Variants in PCDHA13 observed in about 807,000 individuals in gnomAD.
PCDHA13 encodes protocadherin alpha-13.
Under a neutral mutation model 64.8 loss-of-function variants are expected in PCDHA13, and 54 were observed. The observed-to-expected ratio is 0.83, with a 90% CI of 0.67 to 1.04. The LOEUF (loss-of-function observed/expected upper bound fraction) is 1.04. Ranked by LOEUF, PCDHA13 falls within the 50% of genes least tolerant of loss-of-function variation. The probability of loss-of-function intolerance (pLI) is 0.00; values close to 1 mark genes in which losing one functional copy is unlikely to be tolerated. For missense variants in PCDHA13, 1,248 were observed against 1,254.3 expected (o/e 0.99, Z 0.08); for synonymous variants, 587 against 564.4 (o/e 1.04, Z -0.57).
rs976104418 is a variant in PCDHA13 at position 140,967,290 on chromosome 5, C to G, written c.2395-11659C>G. The G allele has an allele frequency of 3.1e-6, 5 of 1,612,712 alleles. No individual in the cohort carries two copies. In the African/African-American group the frequency reaches 5.3e-5, roughly 17 times the overall value. ...TTTCACATAGAGAGTGCGCAGGACC[C>G]CGACGTGGGCGCCAACTCAGTACAG... On this transcript the variant is annotated intron_variant, in intron 1 of 3. Coordinates refer to ENST00000289272, the MANE Select transcript of PCDHA13 (RefSeq NM_018904.3).
intron 3 of PCDHA13, among the ~76,000 whole-genome samples, chr5:140,991,755 C>T (rs2153897425): frequency 6.6e-6 from 1 of 152,268 alleles, no homozygotes; most frequent in South Asian, 2.1e-4. Context: ...TTCTATCATG[C>T]TCTTCAAAAT....
At chr5:140,972,660 A>T (rs868975656) in intron 1 of PCDHA13, among the ~76,000 whole-genome samples, 47 of 117,276 alleles carry the variant, frequency 4.0e-4, no homozygotes, top group Non-Finnish European at 6.8e-4. Flanking sequence ...AAGAAACCAA[A>T]TTTTTTTTTT....
At chr5:141,000,410 TATATATATATA>T (rs1554257433) in intron 3 of PCDHA13, among the ~76,000 whole-genome samples, 1 of 101,972 alleles carries the variant, frequency 9.8e-6, no homozygotes, top group Non-Finnish European at 2.0e-5. Context: ...TATATATATA[TATATATATATA>T]TTTTTTTTTT....
chr5:140,888,620 C>T lies in PCDHA13; in HGVS notation c.2394+3958C>T, dbSNP rs183005411. Among the ~76,000 whole-genome samples the T allele has an allele frequency of 3.4e-3, 514 of 152,264 alleles. 3 individuals are homozygous for T. The highest frequency in any genetic ancestry group is 0.014 in the Middle Eastern group (4 of 294). On this transcript the variant is annotated intron_variant, in intron 1 of 3. Coordinates refer to ENST00000289272, the MANE Select transcript of PCDHA13 (RefSeq NM_018904.3). ...AGCAGCTTTTAGTGTAGCACTAATT[C>T]GGCCTTCTATTACAGCAATACTTTC...
At position 140,926,615 on chromosome 5, in the gene PCDHA13, C is replaced by G. The variant is rs540135252; in HGVS notation, c.2394+41953C>G. On this transcript the variant is annotated intron_variant, in intron 1 of 3. Coordinates refer to ENST00000289272, the MANE Select transcript of PCDHA13 (RefSeq NM_018904.3). ...GGCGGGCGGCCTCGTCTCTGCACCC[C>G]TAGGCGGCGCTGCGCTCCTCAACAC... 1,855 of 379,286 alleles carry G rather than the reference C, an allele frequency of 4.9e-3. 8 individuals are homozygous for G. Among genetic ancestry groups the G allele is most frequent in the African/African-American group, 0.019 (896 of 47,466 alleles). The allele number at this position is 379,286 out of a possible 1,614,324, so 23.5% of individuals were successfully genotyped here. A position where few individuals can be genotyped will look rare whatever the true frequency, so the allele number is the denominator to read the frequency against.
chr5:140,982,722 T>G, intron 3 of PCDHA13, 159 bp downstream of exon 3: 1 of 913,304 alleles, frequency 1.1e-6, no homozygotes, highest in African/African-American at 1.8e-5. Flanking sequence ...TATGATTATT[T>G]TGATTTTATA....
chr5:140,933,545 A>G (rs1424166462), intron 1 of PCDHA13, among the ~76,000 whole-genome samples: 1 of 152,114 alleles, frequency 6.6e-6, no homozygotes, highest in Non-Finnish European at 1.5e-5. Flanking sequence ...TAATGTTAAT[A>G]TAAAATAAAA....
chr5:140,976,507 C>T (rs868949957), intron 1 of PCDHA13, among the ~76,000 whole-genome samples: 2 of 151,968 alleles, frequency 1.3e-5, no homozygotes, highest in African/African-American at 4.8e-5. Context: ...GCCAAGATCG[C>T]GCCACTGCAC....
At chr5:140,956,190 T>A (rs1441772845) in intron 1 of PCDHA13, among the ~76,000 whole-genome samples, 1 of 152,208 alleles carries the variant, frequency 6.6e-6, no homozygotes, top group Non-Finnish European at 1.5e-5. Flanking sequence ...CTATGCTGAA[T>A]AGGAGTGGTG....
intron 3 of PCDHA13, among the ~76,000 whole-genome samples, chr5:140,986,365 C>T (rs530102099): frequency 2.0e-5 from 3 of 152,194 alleles, no homozygotes; most frequent in Non-Finnish European, 2.9e-5. Flanking sequence ...TGGAGGAATG[C>T]GTTTTGGGGG....
intron 1 of PCDHA13, among the ~76,000 whole-genome samples, chr5:140,886,732 A>C (rs1457707116): frequency 3.9e-5 from 6 of 151,952 alleles, no homozygotes; most frequent in Non-Finnish European, 8.8e-5. Flanking sequence ...AGGCTGAAGC[A>C]AGAGAATTGC....
At position 140,895,475 on chromosome 5, in the gene PCDHA13, G is replaced by A. The variant is rs532993154; in HGVS notation, c.2394+10813G>A. Among the ~76,000 whole-genome samples the A allele has an allele frequency of 2.0e-4, 31 of 152,002 alleles. No individual in the cohort carries two copies. The South Asian group carries it at 5.0e-3, about 24-fold the overall frequency. On this transcript the variant is annotated intron_variant, in intron 1 of 3. Coordinates refer to ENST00000289272, the MANE Select transcript of PCDHA13 (RefSeq NM_018904.3). ...TATTGGTCATTTCTTTATCCTCTTC[G>A]GAGAAATACCTATTCAGAACTTTTG...
chr5:140,940,494 G>C (rs553813143), intron 1 of PCDHA13, among the ~76,000 whole-genome samples: 1 of 151,724 alleles, frequency 6.6e-6, no homozygotes, highest in East Asian at 1.9e-4. Context: ...GACAAGTCTT[G>C]CTCCGTCGCT....
chr5:140,943,357 A>G (rs974685573), intron 1 of PCDHA13, among the ~76,000 whole-genome samples: 3 of 152,026 alleles, frequency 2.0e-5, no homozygotes, highest in Non-Finnish European at 4.4e-5. Flanking sequence ...AGTAGAGGAA[A>G]GGAGATCATT....
intron 1 of PCDHA13, among the ~76,000 whole-genome samples, chr5:140,941,191 T>TTTCTTTCTTCCTTTCTTCC (rs1487503403): frequency 1.1e-5 from 1 of 93,258 alleles, no homozygotes; most frequent in African/African-American, 3.9e-5. Flanking sequence ...GCTTCTTTTT[T>TTTCTTTCTTCCTTTCTTCC]TTTCTTTCTT....
chr5:140,915,626 GTCTC>G (rs57920489), intron 1 of PCDHA13, among the ~76,000 whole-genome samples: 182 of 146,478 alleles, frequency 1.2e-3, no homozygotes, highest in East Asian at 9.3e-3. Flanking sequence ...GTCTCTTTCT[GTCTC>G]TCTCTCTCTC....
rs374146742 is a variant in PCDHA13 at position 140,927,954 on chromosome 5, C to T, written c.2394+43292C>T. ...CGAACCCAGTACCTGAGGACGCTGC[C>T]CCTGGCACAGTGATTGCTCTCTTTA... On this transcript the variant is annotated intron_variant, in intron 1 of 3. Transcript: ENST00000289272. The T allele has an allele frequency of 5.2e-5, 84 of 1,614,080 alleles. No homozygotes were observed. In the African/African-American group the frequency reaches 1.0e-3, roughly 19 times the overall value.
intron 3 of PCDHA13, among the ~76,000 whole-genome samples, chr5:141,002,340 TTC>T (rs1554258614): frequency 5.3e-4 from 81 of 152,342 alleles, no homozygotes; most frequent in African/African-American, 1.9e-3. Flanking sequence ...TCCGCACCCC[TTC>T]CCCCACCTCC....
chr5:140,900,226 G>A (rs1048533279), intron 1 of PCDHA13, among the ~76,000 whole-genome samples: 18 of 152,090 alleles, frequency 1.2e-4, no homozygotes, highest in Admixed American at 1.1e-3. Flanking sequence ...GCAAATGACT[G>A]GATCTTGTTT....
Sources: allele counts gnomAD v4.1 joint callset (sites outside exome capture counted in the v4.1 genomes callset), GRCh38; gene constraint gnomAD v4.1.1; transcripts MANE v1.5; gene names NCBI Gene and HGNC (gene_info 2026-07-23, HGNC 2026-07-21).